Variants in FGF10 observed in about 807,000 individuals in gnomAD.
The protein encoded by FGF10 is FGF-10.
In FGF10, 2 loss-of-function variants were observed where a neutral mutation model predicts 19.8. The ratio of observed to expected loss-of-function variants is 0.10; its 90% CI spans 0.04 to 0.32. The LOEUF (loss-of-function observed/expected upper bound fraction) is 0.32. Among genes scored for constraint, FGF10 ranks in the 10% least tolerant of loss-of-function variants. FGF10 has a pLI of 1.00. For missense variants in FGF10, 191 were observed against 246.3 expected (o/e 0.78, Z 1.50); for synonymous variants, 112 against 94.0 (o/e 1.19, Z -1.10).
rs553567764 is a variant in FGF10, at chr5:44,319,488, A to G, written c.326-8958T>C. Among the ~76,000 whole-genome samples the G allele has an allele frequency of 2.0e-5, 3 of 152,282 alleles. No homozygotes were observed. The South Asian group carries it at 6.2e-4, about 32-fold the overall frequency. The stretch of plus-strand genomic sequence containing the variant: ...AAGAAAAAGTCTTACTTGATGCATT[A>G]AAGTGTTCACAAATTTGCTAATCAT... On this transcript the variant is annotated intron_variant, in intron 1 of 2. Transcript: ENST00000264664.
At chr5:44,322,549 T>A (rs1740520447) in intron 1 of FGF10, among the ~76,000 whole-genome samples, 1 of 152,176 alleles carries the variant, frequency 6.6e-6, no homozygotes, top group Non-Finnish European at 1.5e-5. Context: ...TTTGTCCATG[T>A]TAGAAAAGGA....
At chr5:44,308,531 A>T (rs1740135960) in intron 2 of FGF10, among the ~76,000 whole-genome samples, 1 of 152,140 alleles carries the variant, frequency 6.6e-6, no homozygotes, top group Non-Finnish European at 1.5e-5. Flanking sequence ...TCAAGGAAGA[A>T]CCTGGACATG....
chr5:44,368,800 G>A (rs1741678794), intron 1 of FGF10, among the ~76,000 whole-genome samples: 1 of 151,970 alleles, frequency 6.6e-6, no homozygotes, highest in Non-Finnish European at 1.5e-5. Context: ...CGAGTAGCTA[G>A]GACTACCAGC....
chr5:44,354,806 A>G (rs1045053952), intron 1 of FGF10, among the ~76,000 whole-genome samples: 2 of 151,506 alleles, frequency 1.3e-5, no homozygotes, highest in Non-Finnish European at 3.0e-5. Flanking sequence ...GAGTCACACT[A>G]TCTCCTCTCC....
chr5:44,355,736 T>C (rs1391958136), intron 1 of FGF10, among the ~76,000 whole-genome samples: 1 of 151,454 alleles, frequency 6.6e-6, no homozygotes, highest in East Asian at 2.0e-4. Context: ...CTCTTTCATA[T>C]GACTCTGCAG....
intron 1 of FGF10, among the ~76,000 whole-genome samples, chr5:44,350,935 A>C (rs979341019): frequency 1.3e-5 from 2 of 151,420 alleles, no homozygotes; most frequent in African/African-American, 4.8e-5. Context: ...CTTAGTAAAT[A>C]ATGCCCGCTG....
chr5:44,369,634 C>T (rs1457767918), intron 1 of FGF10, among the ~76,000 whole-genome samples: 1 of 152,064 alleles, frequency 6.6e-6, no homozygotes, highest in Non-Finnish European at 1.5e-5. Flanking sequence ...CTCTTCCCTC[C>T]CTCCAGCTTT....
intron 1 of FGF10, among the ~76,000 whole-genome samples, chr5:44,365,107 A>T (rs527474598): frequency 9.9e-5 from 15 of 151,906 alleles, no homozygotes; most frequent in Non-Finnish European, 1.9e-4. Flanking sequence ...TGTCTAAAAT[A>T]ACAAAGAGTG....
intron 1 of FGF10, among the ~76,000 whole-genome samples, chr5:44,339,456 G>GGC (rs1284969266): frequency 6.6e-6 from 1 of 152,150 alleles, no homozygotes; most frequent in East Asian, 1.9e-4. Context: ...TTTAGCATAA[G>GGC]GCGTTCTGTT....
chr5:44,368,184 T>C (rs1006052040), intron 1 of FGF10, among the ~76,000 whole-genome samples: 2 of 152,050 alleles, frequency 1.3e-5, no homozygotes, highest in African/African-American at 4.8e-5. Flanking sequence ...GGTAGGATGG[T>C]CTAGGACTGA....
chr5:44,317,322 A>C (rs1019350438), intron 1 of FGF10, among the ~76,000 whole-genome samples: 1 of 152,332 alleles, frequency 6.6e-6, no homozygotes, highest in African/African-American at 2.4e-5. Context: ...TATCTTTCAC[A>C]GTATGCTAAA....
At chr5:44,318,338 CTATA>C (rs1259304369) in intron 1 of FGF10, among the ~76,000 whole-genome samples, 3 of 152,160 alleles carry the variant, frequency 2.0e-5, no homozygotes, top group African/African-American at 7.2e-5. Flanking sequence ...AAACATATTT[CTATA>C]TAAAGTTTTA....
intron 1 of FGF10, among the ~76,000 whole-genome samples, chr5:44,383,920 A>AT (rs1030064483): frequency 6.6e-6 from 1 of 152,044 alleles, no homozygotes; most frequent in African/African-American, 2.4e-5. Flanking sequence ...CTCAACAATT[A>AT]TTTTTTTCTC....
chr5:44,382,867 A>G (rs930363132), intron 1 of FGF10, among the ~76,000 whole-genome samples: 15 of 152,118 alleles, frequency 9.9e-5, no homozygotes, highest in Non-Finnish European at 1.8e-4. Context: ...TTAAGCAAAC[A>G]TCAACTATAA....
intron 1 of FGF10, among the ~76,000 whole-genome samples, chr5:44,383,750 C>T (rs927986386): frequency 6.6e-6 from 1 of 152,026 alleles, no homozygotes; most frequent in Non-Finnish European, 1.5e-5. Flanking sequence ...TTCATAAATC[C>T]TCAATGCTCG....
intron 1 of FGF10, among the ~76,000 whole-genome samples, chr5:44,381,631 C>T (rs1741984170): frequency 1.3e-5 from 2 of 152,120 alleles, no homozygotes; most frequent in Admixed American, 1.3e-4. Context: ...ATTGTAAAGA[C>T]TCTATGAACA....
chr5:44,368,305 T>A (rs185618656), intron 1 of FGF10, among the ~76,000 whole-genome samples: 4 of 152,220 alleles, frequency 2.6e-5, no homozygotes, highest in Admixed American at 1.3e-4. Flanking sequence ...AGTATGCAAT[T>A]CAGATTCTTT....
chr5:44,338,130 A>T (rs548572558), intron 1 of FGF10, among the ~76,000 whole-genome samples: 1 of 152,212 alleles, frequency 6.6e-6, no homozygotes, highest in African/African-American at 2.4e-5. Context: ...AATTGCTAAT[A>T]ATGTAAGCTT....
chr5:44,344,743 G>A (rs1422878118), intron 1 of FGF10, among the ~76,000 whole-genome samples: 1 of 151,674 alleles, frequency 6.6e-6, no homozygotes, highest in Non-Finnish European at 1.5e-5. Context: ...TTTCAGCATT[G>A]TTATGATTTT....
Sources: gnomAD v4.1 joint callset for allele counts (sites outside exome capture counted in the v4.1 genomes callset) on GRCh38, gnomAD v4.1.1 for gene constraint, MANE v1.5 for transcripts, NCBI Gene and HGNC (gene_info 2026-07-23, HGNC 2026-07-21) for gene names.